The following KRT8 variants were observed in gnomAD, a reference collection of about 807,000 sequenced individuals.
The protein encoded by KRT8 is keratin, type II cytoskeletal 8.
In KRT8, 24 loss-of-function variants were observed where a neutral mutation model predicts 43.0. That is an observed-to-expected ratio of 0.56 (90% CI 0.40 to 0.78). The LOEUF (loss-of-function observed/expected upper bound fraction) is 0.78. Among genes scored for constraint, KRT8 ranks in the 30% least tolerant of loss-of-function variants. KRT8 has a pLI of 0.00. For synonymous variants in KRT8, 214 were observed against 261.2 expected (o/e 0.82, Z 1.74); for missense variants, 492 against 638.4 (o/e 0.77, Z 2.47).
chr12:52,906,301 C>G (rs1281045063), upstream of KRT8, among the ~76,000 whole-genome samples: 1 of 152,070 alleles, frequency 6.6e-6, no homozygotes, highest in African/African-American at 2.4e-5. Flanking sequence ...AGTTCTTGCT[C>G]TTTGCGGGAG....
intron 2 of KRT8, among the ~76,000 whole-genome samples, chr12:52,918,186 A>AGAAGAAGAAGAAGAAGAG (rs1565725590): frequency 8.0e-5 from 9 of 112,928 alleles, no homozygotes; most frequent in African/African-American, 3.6e-4. Context: ...AAGAGGAAGA[A>AGAAGAAGAAGAAGAAGAG]GAAGAAGAAG....
intron 2 of KRT8, among the ~76,000 whole-genome samples, chr12:52,925,067 G>A (rs552472971): frequency 6.6e-6 from 1 of 152,320 alleles, no homozygotes; most frequent in East Asian, 1.9e-4. Flanking sequence ...AAAAGATGTT[G>A]TATAGACCTC....
At chr12:52,900,511 G>A (rs1941340097) in intron 4 of KRT8, 77 bp downstream of exon 4, 5 of 899,094 alleles carry the variant, frequency 5.6e-6, no homozygotes, top group South Asian at 4.0e-5. Context: ...GGGCTGGGAG[G>A]AGCCTCTGGT....
exon 2 of KRT8, chr12:52,901,866 G>T: frequency 6.2e-7 from 1 of 1,607,256 alleles, no homozygotes; most frequent in East Asian, 2.2e-5. Context: ...TTGCTCACTT[G>T]TTCTTGAAGT....
At chr12:52,906,801 C>T, upstream of KRT8, 1 of 455,754 alleles carries the variant, frequency 2.2e-6, no homozygotes, top group Non-Finnish European at 4.4e-6. Flanking sequence ...GGGTGACCAC[C>T]TACTGGGAGG....
intron 3 of KRT8, 194 bp downstream of exon 3, chr12:52,900,965 C>A (rs974239883): frequency 1.5e-6 from 1 of 661,884 alleles, no homozygotes; most frequent in East Asian, 2.7e-5. Flanking sequence ...TGTCCCAACA[C>A]CGATGTCAAG....
At chr12:52,906,823 G>A (rs1175544400), upstream of KRT8, 1 of 454,832 alleles carries the variant, frequency 2.2e-6, no homozygotes, top group African/African-American at 2.0e-5. Flanking sequence ...CAGATGTACA[G>A]TTTCTTCCCC....
At chr12:52,936,671 C>T (rs56770168) in intron 2 of KRT8, among the ~76,000 whole-genome samples, 12,749 of 152,046 alleles carry the variant, frequency 0.084, 670 homozygotes, top group East Asian at 0.24. Flanking sequence ...GGCCACTATG[C>T]CCGGCTAATT....
chr12:52,933,520 A>C (rs984504566), intron 2 of KRT8, among the ~76,000 whole-genome samples: 11 of 152,240 alleles, frequency 7.2e-5, no homozygotes, highest in African/African-American at 2.7e-4. Flanking sequence ...ATGCCATCCC[A>C]ATAAAAATCT....
chr12:52,906,028 C>T (rs1355000794), upstream of KRT8, among the ~76,000 whole-genome samples: 1 of 152,208 alleles, frequency 6.6e-6, no homozygotes, highest in Non-Finnish European at 1.5e-5. Context: ...TTGCAGTGAG[C>T]TGAGATCGTG....
chr12:52,899,937 G>A (rs1375179350), exon 5 of KRT8: 1 of 1,613,246 alleles, frequency 6.2e-7, no homozygotes, highest in Non-Finnish European at 8.5e-7. Flanking sequence ...CAGCCCGGCT[G>A]CGGTTGGCAA....
At chr12:52,945,897 C>T (rs1438169732) in intron 2 of KRT8, among the ~76,000 whole-genome samples, 1 of 152,014 alleles carries the variant, frequency 6.6e-6, no homozygotes, top group African/African-American at 2.4e-5. Context: ...CACCCCAGAA[C>T]CCTAGTGCTG....
intron 2 of KRT8, chr12:52,926,337 CCCCA>C: frequency 2.0e-5 from 11 of 556,516 alleles, no homozygotes; most frequent in East Asian, 7.6e-5. Flanking sequence ...TAGCTGCCCT[CCCCA>C]CCCCACCCCC....
At chr12:52,925,194 G>C (rs1941965145) in intron 2 of KRT8, among the ~76,000 whole-genome samples, 1 of 152,224 alleles carries the variant, frequency 6.6e-6, no homozygotes, top group South Asian at 2.1e-4. Flanking sequence ...TCCAGGAAAA[G>C]ACTGAGTAAG....
chr12:52,929,188 C>CTTTT (rs59896088), intron 2 of KRT8, among the ~76,000 whole-genome samples: 1 of 132,928 alleles, frequency 7.5e-6, no homozygotes, highest in African/African-American at 2.8e-5. Flanking sequence ...TCCTTCCTTT[C>CTTTT]TTTTTTTTTT....
chr12:52,922,208 A>G lies in KRT8; in HGVS notation c.-46-17181T>C, dbSNP rs968648051. Among the ~76,000 whole-genome samples the G allele has an allele frequency of 9.9e-4, 149 of 149,866 alleles. 1 individual carries two copies. Among genetic ancestry groups the G allele is most frequent in the Non-Finnish European group, 1.7e-3 (117 of 67,292 alleles). On this transcript the variant is annotated intron_variant, in intron 2 of 6. Coordinates refer to the KRT8 transcript ENST00000546826. ...CTAAAAAAAAAAAAAAAAAAAAAAAAAAAAAAAAAAAAATGTAGCAAATGG... is the reference window on the plus strand; with the variant it reads ...CTAAAAAAAAAAAAAAAAAAAAAAAGAAAAAAAAAAAAATGTAGCAAATGG...
intron 2 of KRT8, among the ~76,000 whole-genome samples, chr12:52,925,627 T>A (rs543060088): frequency 6.6e-6 from 1 of 152,230 alleles, no homozygotes; most frequent in South Asian, 2.1e-4. Flanking sequence ...ATGATTCATC[T>A]CCACAAAGGC....
intron 2 of KRT8, chr12:52,948,006 G>A (rs1228564155): frequency 1.3e-5 from 2 of 152,160 alleles, no homozygotes; most frequent in Non-Finnish European, 2.9e-5. Flanking sequence ...TAAGGATGCA[G>A]GAAAGGTGAT....
intron 1 of KRT8, chr12:52,903,714 G>C (rs1471237867): frequency 1.3e-5 from 2 of 152,434 alleles, no homozygotes; most frequent in East Asian, 3.9e-4. Context: ...GAATGGGCGA[G>C]GGGCGTTGGT....
Sources: allele counts gnomAD v4.1 joint callset (sites outside exome capture counted in the v4.1 genomes callset), GRCh38; gene constraint gnomAD v4.1.1; transcripts MANE v1.5; gene names NCBI Gene and HGNC (gene_info 2026-07-23, HGNC 2026-07-21).